KIAA1671: variants seen among roughly 807,000 people sequenced by gnomAD.
KIAA1671 encodes KIAA1671.
KIAA1671 carries 52 observed loss-of-function variants against 131.2 expected under a neutral mutation model. The observed-to-expected ratio is 0.40, with a 90% CI of 0.32 to 0.50. The LOEUF is 0.50. KIAA1671 is among the 20% of genes least tolerant of loss of function. KIAA1671 has a pLI of 0.73. For synonymous variants in KIAA1671, 1,003 were observed against 961.6 expected, an observed-to-expected ratio of 1.04 and a Z score of -0.80; for missense variants, 2,360 against 2,364.2, an observed-to-expected ratio of 1.00 and a Z score of 0.04.
At chr22:25,027,229 TG>T (rs1925996032) in intron 2 of KIAA1671, among the ~76,000 whole-genome samples, 1 of 121,940 alleles carries the variant, frequency 8.2e-6, no homozygotes, top group African/African-American at 3.2e-5. Flanking sequence ...TTATGGCATC[TG>T]GAAGGGTGGG....
At position 25,180,469 on chromosome 22, in the gene KIAA1671, C is replaced by T. The variant is rs543687887; in HGVS notation, c.5075-1230C>T. ...AGGAGAATCGATTGAACCCAGGAGG[C>T]GGAGGTTGCAGGGAGCCGAGATCGT... is the stretch of plus-strand genomic sequence containing the variant. On this transcript the variant is annotated intron_variant, in intron 9 of 12. Coordinates refer to ENST00000358431, the MANE Select transcript of KIAA1671 (RefSeq NM_001145206.2). 4.6e-5 allele frequency among the ~76,000 whole-genome samples: 7 copies of T among 151,936 alleles called. No homozygotes were observed. In the South Asian group the frequency reaches 6.2e-4, roughly 14 times the overall value.
intron 6 of KIAA1671, among the ~76,000 whole-genome samples, chr22:25,091,729 A>G (rs1325838688): frequency 1.3e-5 from 2 of 152,182 alleles, no homozygotes; most frequent in African/African-American, 4.8e-5. Context: ...TCTCCGTTAC[A>G]GGATTTTGAC....
rs536039813 is a variant in KIAA1671 at position 25,184,256 on chromosome 22, G to T, written c.5200-721G>T. Among the ~76,000 whole-genome samples, 106 of 152,310 alleles carry T rather than the reference G, an allele frequency of 7.0e-4. 4 individuals carry two copies. In the South Asian group the frequency reaches 0.022, roughly 31 times the overall value. On this transcript the variant is annotated intron_variant, in intron 10 of 12. Transcript: ENST00000358431. ...AGACCTTTGAGCTTTGGGCTCTCTC[G>T]CCCTGTAAAATGGGGAAAGCCAGGA...
At chr22:25,006,380 G>T (rs898961001) in intron 1 of KIAA1671, among the ~76,000 whole-genome samples, 7 of 152,066 alleles carry the variant, frequency 4.6e-5, no homozygotes, top group African/African-American at 1.7e-4. Context: ...TAAATACATG[G>T]GAAGTACAGT....
At chr22:25,018,883 C>T (rs1925492594) in intron 1 of KIAA1671, among the ~76,000 whole-genome samples, 1 of 152,172 alleles carries the variant, frequency 6.6e-6, no homozygotes, top group Admixed American at 6.5e-5. Flanking sequence ...CAAATATCTG[C>T]TTTCAATTTT....
chr22:25,176,451 C>T (rs1263423255), intron 8 of KIAA1671: 6 of 152,250 alleles, frequency 3.9e-5, no homozygotes, highest in Non-Finnish European at 8.8e-5. Context: ...GGCTGTGAGC[C>T]GTGGTCAGGC....
chr22:25,042,769 G>A (rs948895519), intron 5 of KIAA1671, among the ~76,000 whole-genome samples: 3 of 152,120 alleles, frequency 2.0e-5, no homozygotes, highest in East Asian at 1.9e-4. Context: ...CACTGCGCCC[G>A]GCCTGTAAGC....
intron 5 of KIAA1671, among the ~76,000 whole-genome samples, chr22:25,044,901 C>T (rs1450738598): frequency 6.6e-6 from 1 of 152,192 alleles, no homozygotes. Context: ...TGGCTCATGC[C>T]TGTAATCCCA....
intron 9 of KIAA1671, among the ~76,000 whole-genome samples, chr22:25,178,872 G>A (rs1475825470): frequency 6.6e-6 from 1 of 152,164 alleles, no homozygotes; most frequent in South Asian, 2.1e-4. Flanking sequence ...CTCATGGGGA[G>A]CCCCTTCCTC....
chr22:24,976,324 G>A (rs8138629), intron 1 of KIAA1671, among the ~76,000 whole-genome samples: 5,610 of 152,334 alleles, frequency 0.037, 366 homozygotes, highest in African/African-American at 0.13. Flanking sequence ...GGGAACAAAA[G>A]GCTTAGAGAG....
chr22:25,124,756 C>T (rs1294745880), intron 6 of KIAA1671, among the ~76,000 whole-genome samples: 1 of 152,144 alleles, frequency 6.6e-6, no homozygotes, highest in Non-Finnish European at 1.5e-5. Context: ...ACACTTAACA[C>T]CAAGTGTGTG....
At chr22:24,972,476 C>CCATCCATCCATATATG (rs772944686) in intron 1 of KIAA1671, among the ~76,000 whole-genome samples, 1 of 152,150 alleles carries the variant, frequency 6.6e-6, no homozygotes, top group Non-Finnish European at 1.5e-5. Flanking sequence ...ATGCATCCAT[C>CCATCCATCCATATATG]CATCCATCCA....
intron 6 of KIAA1671, among the ~76,000 whole-genome samples, chr22:25,088,212 A>AGG: frequency 6.6e-6 from 1 of 151,266 alleles, no homozygotes; most frequent in Non-Finnish European, 1.5e-5. Flanking sequence ...GGTTCAAGCG[A>AGG]TCCTCGTGCC....
In KIAA1671 at chr22:25,039,049, T is replaced by C; in HGVS notation, c.1919T>C (p.Met640Thr). 6.4e-7 allele frequency: 1 copy of C among 1,551,716 alleles called. No homozygotes were observed. Among genetic ancestry groups the C allele is most frequent in the Non-Finnish European group, 8.7e-7 (1 of 1,147,030 alleles). The change falls in exon 5 of 13, where the codon ATG (methionine) becomes ACG (threonine). Residue 640 changes from methionine to threonine, a missense_variant. By Grantham distance (81) the Met-to-Thr change is moderately conservative. This residue lies in a region of KIAA1671 where 1,185 missense variants were observed against 1,126.2 expected (regional missense o/e 1.05). Transcript: ENST00000358431. ...RCLSTTPPGD[M>T]AHARVSEPRP... ...CTCTCCACCACACCCCCTGGTGACA[T>C]GGCCCATGCCCGTGTCTCAGAACCC...
intron 6 of KIAA1671, among the ~76,000 whole-genome samples, chr22:25,123,901 C>G (rs1932061313): frequency 6.6e-6 from 1 of 152,122 alleles, no homozygotes; most frequent in African/African-American, 2.4e-5. Flanking sequence ...TTTCTTCTCA[C>G]TTACGCTTGT....
chr22:24,964,810 A>G (rs1467566127), intron 1 of KIAA1671, among the ~76,000 whole-genome samples: 1 of 152,156 alleles, frequency 6.6e-6, no homozygotes, highest in Non-Finnish European at 1.5e-5. Context: ...GCCCAGGACC[A>G]TACTACTGGG....
chr22:25,050,874 C>G (rs981309495), intron 6 of KIAA1671: 15 of 152,234 alleles, frequency 9.9e-5, no homozygotes, highest in African/African-American at 3.1e-4. Flanking sequence ...TCAGATAGCT[C>G]TGACTTAGCT....
chr22:25,175,276 A>T (rs924427711), intron 8 of KIAA1671: 1 of 152,212 alleles, frequency 6.6e-6, no homozygotes, highest in Admixed American at 6.5e-5. Context: ...TGGGGGATGG[A>T]ACATCTGCAA....
At chr22:25,109,814 G>A (rs1481011309) in intron 6 of KIAA1671, among the ~76,000 whole-genome samples, 3 of 152,276 alleles carry the variant, frequency 2.0e-5, no homozygotes, top group East Asian at 3.9e-4. Flanking sequence ...TTTATTAAAT[G>A]AATGAATGAA....
Sources: gnomAD v4.1 joint callset for allele counts (sites outside exome capture counted in the v4.1 genomes callset) on GRCh38, gnomAD v4.1.1 for gene constraint, gnomAD v4.1.1 regional missense constraint, MANE v1.5 for transcripts, NCBI Gene and HGNC (gene_info 2026-07-23, HGNC 2026-07-21) for gene names.